TECRL: variants seen among roughly 807,000 people sequenced by gnomAD.
TECRL encodes trans-2,3-enoyl-CoA reductase like, also known as trans-2,3-enoyl-CoA reductase-like.
Under a neutral mutation model 52.8 loss-of-function variants are expected in TECRL, and 63 were observed. That is an observed-to-expected ratio of 1.19 (90% CI 0.97 to 1.47). The LOEUF (loss-of-function observed/expected upper bound fraction) is 1.47, where lower values mean the gene tolerates loss of function less well. Among genes scored for constraint, TECRL ranks in the 40% most tolerant of loss-of-function variants. The pLI is 0.00. For synonymous variants in TECRL, 164 were observed against 141.9 expected (o/e 1.16, Z -1.10); for missense variants, 482 against 429.6 (o/e 1.12, Z -1.08).
intron 1 of TECRL, among the ~76,000 whole-genome samples, chr4:64,386,719 C>G (rs911709882): frequency 6.6e-6 from 1 of 152,104 alleles, no homozygotes; most frequent in Non-Finnish European, 1.5e-5. Flanking sequence ...GCCTGTTACT[C>G]AGGCATAAAT....
At chr4:64,317,475 T>C (rs1717588180) in intron 4 of TECRL, among the ~76,000 whole-genome samples, 1 of 152,126 alleles carries the variant, frequency 6.6e-6, no homozygotes, top group South Asian at 2.1e-4. Context: ...AAAATTGCTA[T>C]CAGCAGTTAA....
chr4:64,284,861 G>T (rs761618687), intron 9 of TECRL, among the ~76,000 whole-genome samples: 40 of 152,038 alleles, frequency 2.6e-4, no homozygotes, highest in Non-Finnish European at 4.7e-4. Context: ...CCCAGTATTG[G>T]AACGTGAATC....
At chr4:64,290,285 T>C (rs1299617804) in intron 8 of TECRL, among the ~76,000 whole-genome samples, 1 of 138,620 alleles carries the variant, frequency 7.2e-6, no homozygotes. Context: ...TCATATGCAC[T>C]CTACTAGTTG....
intron 4 of TECRL, among the ~76,000 whole-genome samples, chr4:64,315,349 T>C (rs1045171768): frequency 6.6e-6 from 1 of 152,080 alleles, no homozygotes; most frequent in Non-Finnish European, 1.5e-5. Flanking sequence ...GTAACCATAT[T>C]TGAACTATAG....
chr4:64,300,581 AG>A (rs1267578065), intron 7 of TECRL, among the ~76,000 whole-genome samples: 5 of 150,988 alleles, frequency 3.3e-5, no homozygotes, highest in Admixed American at 1.3e-4. Context: ...TTCTAAAGGC[AG>A]GGTTGCTCAC....
rs199828676 is a variant in TECRL at position 64,305,196 on chromosome 4, A to G, written c.700T>C (p.Tyr234His). 6 of 1,612,812 alleles carry G rather than the reference A, an allele frequency of 3.7e-6. No homozygotes were observed. Among genetic ancestry groups the G allele is most frequent in the Non-Finnish European group, 5.1e-6 (6 of 1,179,222 alleles). ...YWGFTSWIAY[Y>H]INHPLYTPPS... ...GGTGTATATAGTGGATGATTAATGTAGTAGGCAATCCAAGAAGTAAATCCC... is the reference window on the plus strand; with the variant it reads ...GGTGTATATAGTGGATGATTAATGTGGTAGGCAATCCAAGAAGTAAATCCC... Residue 234 changes from tyrosine to histidine, a missense_variant, in exon 7 of 12, where the codon TAC becomes CAC. Physicochemically the swap from Tyr to His is moderately conservative, Grantham distance 83. Coordinates refer to ENST00000381210, the MANE Select transcript of TECRL (RefSeq NM_001010874.5).
At chr4:64,370,485 GTT>G (rs1319062895) in intron 2 of TECRL, among the ~76,000 whole-genome samples, 4 of 148,098 alleles carry the variant, frequency 2.7e-5, no homozygotes, top group African/African-American at 9.8e-5. Flanking sequence ...CAAGCAGAAA[GTT>G]TTTTTCATAT....
At position 64,375,204 on chromosome 4, in the gene TECRL, A is replaced by G; in HGVS notation, c.254T>C (p.Ile85Thr). 1 of 1,406,780 alleles carries G rather than the reference A, an allele frequency of 7.1e-7. No individual in the cohort carries two copies. The highest frequency in any genetic ancestry group is 9.4e-7 in the Non-Finnish European group (1 of 1,062,544). The allele number at this position is 1,406,780 out of a possible 1,614,324, so 87.1% of individuals were successfully genotyped here. A position where few individuals can be genotyped will look rare whatever the true frequency, so the allele number is the denominator to read the frequency against. ...GTGAAACTTTTGCTTAACATCATGA[A>G]TAGTAGATGATTGTGTCACCTGAAA... ...ILDKVTQSSTIHDVKQKFHKA... is the reference protein window; with the variant it reads ...ILDKVTQSSTTHDVKQKFHKA... The change falls in exon 2 of 12, where the codon ATT (isoleucine) becomes ACT (threonine). Residue 85 changes from isoleucine to threonine, a missense_variant. By Grantham distance (89) the Ile-to-Thr change is moderately conservative. Transcript: ENST00000381210.
At chr4:64,368,264 A>T (rs1351932439) in intron 2 of TECRL, among the ~76,000 whole-genome samples, 1 of 135,192 alleles carries the variant, frequency 7.4e-6, no homozygotes, top group African/African-American at 2.7e-5. Context: ...CAAGGCTCAT[A>T]ACTGTTTGTT....
In TECRL at chr4:64,281,454, T is replaced by A; in HGVS notation, c.918+20A>T. The A allele has an allele frequency of 7.0e-7, 1 of 1,436,164 alleles. No homozygotes were observed. 89.0% of individuals were successfully genotyped at this position (1,436,164 alleles called of 1,614,324 possible). A position where few individuals can be genotyped will look rare whatever the true frequency, so the allele number is the denominator to read the frequency against. On this transcript the variant is annotated intron_variant, in intron 10 of 11. Transcript: ENST00000381210. The stretch of plus-strand genomic sequence containing the variant: ...ATATCATGAATAGGATTCAAGCATT[T>A]ACATACATAAATAACATACCTCATA...
At chr4:64,383,940 C>A (rs1468253241) in intron 1 of TECRL, among the ~76,000 whole-genome samples, 1 of 151,258 alleles carries the variant, frequency 6.6e-6, no homozygotes, top group Non-Finnish European at 1.5e-5. Context: ...GGGCACTTTG[C>A]CTTTGATTCT....
intron 2 of TECRL, among the ~76,000 whole-genome samples, chr4:64,354,666 C>G (rs1292593446): frequency 1.3e-5 from 2 of 152,116 alleles, no homozygotes; most frequent in Admixed American, 1.3e-4. Context: ...GGAATGGGGT[C>G]TGAGGTTTGC....
chr4:64,347,520 G>A (rs935540186), intron 2 of TECRL, among the ~76,000 whole-genome samples: 25 of 152,224 alleles, frequency 1.6e-4, no homozygotes, highest in East Asian at 5.8e-4. Context: ...AAGAGGTTTC[G>A]TTGACTCACA....
chr4:64,342,725 A>T (rs984283359), intron 2 of TECRL, among the ~76,000 whole-genome samples: 1 of 152,100 alleles, frequency 6.6e-6, no homozygotes, highest in African/African-American at 2.4e-5. Context: ...TCTATTCAGG[A>T]CACTGTGAGG....
intron 1 of TECRL, among the ~76,000 whole-genome samples, chr4:64,408,762 A>C (rs1319832244): frequency 6.6e-6 from 1 of 152,098 alleles, no homozygotes; most frequent in Non-Finnish European, 1.5e-5. Context: ...TTGTATATAC[A>C]ATGAAGTACA....
At chr4:64,403,475 G>GCGCACACACACACACACA (rs59253067) in intron 1 of TECRL, among the ~76,000 whole-genome samples, 4 of 148,236 alleles carry the variant, frequency 2.7e-5, no homozygotes, top group African/African-American at 7.5e-5. Flanking sequence ...CTCCCTGAGC[G>GCGCACACACACACACACA]CACACACACA....
intron 2 of TECRL, among the ~76,000 whole-genome samples, chr4:64,333,507 G>A (rs1391511056): frequency 1.3e-5 from 2 of 152,084 alleles, no homozygotes; most frequent in Non-Finnish European, 2.9e-5. Flanking sequence ...ATACAAAAAA[G>A]CAGAATATCT....
intron 8 of TECRL, 109 bp from the exon 9 acceptor site, chr4:64,289,876 C>A: frequency 1.7e-6 from 1 of 603,748 alleles, no homozygotes; most frequent in South Asian, 5.5e-5. Flanking sequence ...CCCAAAGATT[C>A]AAAAGATATA....
intron 4 of TECRL, among the ~76,000 whole-genome samples, chr4:64,318,689 AG>A (rs1414905509): frequency 2.0e-5 from 3 of 152,032 alleles, no homozygotes; most frequent in African/African-American, 7.2e-5. Context: ...TCAAGAAAAG[AG>A]AACTGCCAAC....
Sources: gnomAD v4.1 joint callset for allele counts (sites outside exome capture counted in the v4.1 genomes callset) on GRCh38, gnomAD v4.1.1 for gene constraint, MANE v1.5 for transcripts, NCBI Gene and HGNC (gene_info 2026-07-23, HGNC 2026-07-21) for gene names.